The following PRDM16 variants were observed in gnomAD, a reference collection of about 807,000 sequenced individuals.
PRDM16 encodes the protein histone-lysine N-methyltransferase PRDM16.
PRDM16 carries 23 observed loss-of-function variants against 110.6 expected under a neutral mutation model. The observed-to-expected ratio is 0.21, with a 90% CI of 0.15 to 0.29. The LOEUF is 0.29. Ranked by LOEUF, PRDM16 falls within the 10% of genes least tolerant of loss-of-function variation. PRDM16 has a pLI of 1.00. For missense variants in PRDM16, 1,615 were observed against 1,794.3 expected (o/e 0.90, Z 1.81); for synonymous variants, 799 against 781.8 (o/e 1.02, Z -0.37).
chr1:3,315,358 C>T (rs1416863567), intron 3 of PRDM16, among the ~76,000 whole-genome samples: 3 of 152,028 alleles, frequency 2.0e-5, no homozygotes, highest in African/African-American at 7.2e-5. Context: ...CCTGGAATGC[C>T]GCATCTATAG....
chr1:3,304,305 G>A (rs923444523), intron 3 of PRDM16, among the ~76,000 whole-genome samples: 1 of 152,230 alleles, frequency 6.6e-6, no homozygotes. Context: ...GCCAAGCCCT[G>A]CAGTCCTGGT....
chr1:3,076,118 C>T (rs1157156448), intron 1 of PRDM16, among the ~76,000 whole-genome samples: 3 of 152,246 alleles, frequency 2.0e-5, no homozygotes, highest in African/African-American at 7.2e-5. Context: ...CAGCCCCGCG[C>T]TCCTCTCAGG....
In PRDM16 at chr1:3,412,147, G is replaced by A. The variant is rs1643700871; in HGVS notation, c.1950G>A (p.Gly650=). The change falls in exon 9 of 17, where the codon GGG becomes GGA. Residue 650 remains glycine (G), a synonymous_variant. Transcript: ENST00000270722. ...GKSAEGQPKF[G]GGLAPPGAPN... Reference sequence around the variant, plus strand: ...CCGCCGAGGGCCAGCCCAAGTTTGGGGGCGGCTTGGCGCCCCCGGGGGCCC... The same window carrying A: ...CCGCCGAGGGCCAGCCCAAGTTTGGAGGCGGCTTGGCGCCCCCGGGGGCCC... 6.4e-7 allele frequency: 1 copy of A among 1,561,248 alleles called. No homozygotes were observed. Among genetic ancestry groups the A allele is most frequent in the African/African-American group, 1.4e-5 (1 of 72,980 alleles).
chr1:3,288,324 G>T (rs1473376385), intron 3 of PRDM16, among the ~76,000 whole-genome samples: 3 of 152,166 alleles, frequency 2.0e-5, no homozygotes, highest in East Asian at 1.9e-4. Flanking sequence ...AGGCTCAGGG[G>T]CAAGGCCAGG....
chr1:3,077,321 G>T (rs955568109), intron 1 of PRDM16, among the ~76,000 whole-genome samples: 3 of 152,276 alleles, frequency 2.0e-5, no homozygotes, highest in African/African-American at 7.2e-5. Context: ...TCGTGTGTGT[G>T]TCCCACTCTC....
In PRDM16 at chr1:3,255,484, C is replaced by T. The variant is rs1232595952; in HGVS notation, c.438+11347C>T. 1.3e-5 allele frequency among the ~76,000 whole-genome samples: 2 copies of T among 151,666 alleles called. No homozygotes were observed. Among genetic ancestry groups the T allele is most frequent in the South Asian group, 2.1e-4 (1 of 4,786 alleles). ...CAACACAGTTGGGCTCAGAGAGAGG[C>T]AAGACAGTGGGGCGGAGTCCTGGGA... On this transcript the variant is annotated intron_variant, in intron 3 of 16. Coordinates refer to ENST00000270722, the MANE Select transcript of PRDM16 (RefSeq NM_022114.4). The surrounding 1 kb of genome is among the most constrained non-coding windows in gnomAD (Gnocchi z 4.7).
In PRDM16 at chr1:3,290,715, G is replaced by A. The variant is rs1214815995; in HGVS notation, c.438+46578G>A. 6.6e-6 allele frequency among the ~76,000 whole-genome samples: 1 copy of A among 152,166 alleles called. No homozygotes were observed. Among genetic ancestry groups the A allele is most frequent in the Non-Finnish European group, 1.5e-5 (1 of 68,052 alleles). The stretch of plus-strand genomic sequence containing the variant: ...CAACAGGGCTCCAGGGGGACGTGCA[G>A]GGAGTGGAAGAAACTCAAGCCGGGA... On this transcript the variant is annotated intron_variant, in intron 3 of 16. Coordinates refer to ENST00000270722, the MANE Select transcript of PRDM16 (RefSeq NM_022114.4). The surrounding 1 kb of genome is among the most constrained non-coding windows in gnomAD (Gnocchi z 4.8).
rs192168891 is a variant in PRDM16 at position 3,347,323 on chromosome 1, G to A, written c.439-37829G>A. On this transcript the variant is annotated intron_variant, in intron 3 of 16. Coordinates refer to ENST00000270722, the MANE Select transcript of PRDM16 (RefSeq NM_022114.4). ...GAAGGAGAAACCAGGCCCAGGGAGG[G>A]CGAGACTCTCAGGGCCTCCATGCAT... 4.1e-3 allele frequency among the ~76,000 whole-genome samples: 623 copies of A among 152,354 alleles called. 4 individuals are homozygous for A. The highest frequency in any genetic ancestry group is 5.5e-3 in the Non-Finnish European group (376 of 68,032).
intron 3 of PRDM16, among the ~76,000 whole-genome samples, chr1:3,287,231 C>T (rs1161426683): frequency 1.3e-5 from 2 of 151,754 alleles, no homozygotes; most frequent in African/African-American, 4.9e-5. Flanking sequence ...TTCCCAGCCA[C>T]GCGGGCATCC....
intron 2 of PRDM16, among the ~76,000 whole-genome samples, chr1:3,214,528 C>A (rs952182341): frequency 6.6e-6 from 1 of 152,188 alleles, no homozygotes; most frequent in African/African-American, 2.4e-5. Flanking sequence ...AAAACCCTGT[C>A]TCTACTAAAA....
chr1:3,287,317 CCCCGCCACGCGGGCA>C (rs1434489418), intron 3 of PRDM16, among the ~76,000 whole-genome samples: 1 of 135,016 alleles, frequency 7.4e-6, no homozygotes. Flanking sequence ...GCTGGAGCCG[CCCCGCCACGCGGGCA>C]TCCAGGATTG....
In PRDM16 at chr1:3,426,199, C is replaced by T. The variant is rs771307225; in HGVS notation, c.3258C>T (p.Asn1086=). The T allele has an allele frequency of 3.1e-6, 5 of 1,613,798 alleles. No homozygotes were observed. The South Asian group carries it at 3.3e-5, about 11-fold the overall frequency. ...IRNFIANSEM[N]QASTRTEKRA... is the part of the protein sequence containing the mutation. ...ACTTTATTGCCAATAGTGAGATGAA[C>T]CAAGCATCAACGCGAACAGAGAAAC... Residue 1086 remains asparagine, a synonymous_variant, in exon 14 of 17, where the codon AAC becomes AAT. Coordinates refer to ENST00000270722, the MANE Select transcript of PRDM16 (RefSeq NM_022114.4).
chr1:3,267,874 G>T (rs758742049), intron 3 of PRDM16, among the ~76,000 whole-genome samples: 6 of 152,222 alleles, frequency 3.9e-5, no homozygotes, highest in Non-Finnish European at 7.3e-5. Context: ...CCATGACGTG[G>T]ATCCTAAGCC....
At position 3,154,358 on chromosome 1, in the gene PRDM16, G is replaced by A. The variant is rs183579218; in HGVS notation, c.38-31767G>A. ...TGGGTGGGCAGTTACAGGAGGCGAC[G>A]GAGCTGCCTGTCGCTGTGGCAGCTT... is the stretch of plus-strand genomic sequence containing the variant. On this transcript the variant is annotated intron_variant, in intron 1 of 16. Coordinates refer to ENST00000270722, the MANE Select transcript of PRDM16 (RefSeq NM_022114.4). 1.1e-3 allele frequency among the ~76,000 whole-genome samples: 169 copies of A among 152,314 alleles called. 2 individuals carry two copies. The East Asian group carries it at 0.014, about 13-fold the overall frequency.
chr1:3,337,131 GC>G (rs1426563353), intron 3 of PRDM16, among the ~76,000 whole-genome samples: 5 of 150,600 alleles, frequency 3.3e-5, no homozygotes, highest in Admixed American at 2.6e-4. Context: ...GTGAATGCAT[GC>G]ATGCACATAT....
intron 1 of PRDM16, among the ~76,000 whole-genome samples, chr1:3,111,973 C>T (rs1294991450): frequency 1.1e-4 from 16 of 152,098 alleles, no homozygotes; most frequent in Admixed American, 1.0e-3. Context: ...GATGGGCCGG[C>T]GCGGCGGCGA....
At chr1:3,106,738 C>T (rs1557450043) in intron 1 of PRDM16, among the ~76,000 whole-genome samples, 2 of 152,284 alleles carry the variant, frequency 1.3e-5, no homozygotes, top group Admixed American at 6.5e-5. Flanking sequence ...GAGCAGCTCC[C>T]GGCGGGCTGC....
chr1:3,100,747 C>A (rs1342398907), intron 1 of PRDM16, among the ~76,000 whole-genome samples: 1 of 152,092 alleles, frequency 6.6e-6, no homozygotes, highest in Non-Finnish European at 1.5e-5. Flanking sequence ...GCTGGTGGGT[C>A]CTGTGGGGTG....
chr1:3,227,354 C>T (rs897654039), intron 2 of PRDM16, among the ~76,000 whole-genome samples: 5 of 152,292 alleles, frequency 3.3e-5, no homozygotes, highest in Non-Finnish European at 5.9e-5. Flanking sequence ...CAGAGTCCTG[C>T]ATCCTTGTCC....
Sources: allele counts gnomAD v4.1 joint callset (sites outside exome capture counted in the v4.1 genomes callset), GRCh38; gene constraint gnomAD v4.1.1; non-coding constraint Gnocchi (gnomAD v3.1); transcripts MANE v1.5; gene names NCBI Gene and HGNC (gene_info 2026-07-23, HGNC 2026-07-21).